The following MYPN variants were observed in gnomAD, a reference collection of about 807,000 sequenced individuals.
The protein encoded by MYPN is sarcomeric protein myopalladin, 145 kDa (MYOP).
A neutral mutation model predicts 129.4 loss-of-function variants in MYPN; 63 were observed. The observed-to-expected ratio is 0.49, with a 90% CI of 0.40 to 0.60. The LOEUF (loss-of-function observed/expected upper bound fraction) is 0.60. Among genes scored for constraint, MYPN ranks in the 20% least tolerant of loss-of-function variants. The probability of loss-of-function intolerance (pLI) is 0.00; values close to 1 mark genes in which losing one functional copy is unlikely to be tolerated. For missense variants in MYPN, 1,596 were observed against 1,635.4 expected (o/e 0.98, Z 0.42); for synonymous variants, 629 against 600.9 (o/e 1.05, Z -0.68).
intron 4 of MYPN, among the ~76,000 whole-genome samples, chr10:68,146,707 C>T (rs868482111): frequency 2.6e-4 from 39 of 152,294 alleles, no homozygotes; most frequent in Admixed American, 7.2e-4. Context: ...ATGTTGCCCT[C>T]GTCTTCTTAG....
At chr10:68,190,657 T>C (rs2043495996) in intron 13 of MYPN, among the ~76,000 whole-genome samples, 2 of 152,370 alleles carry the variant, frequency 1.3e-5, no homozygotes, top group Middle Eastern at 3.4e-3. Context: ...TTGTTAATTG[T>C]TTCCTTTGCT....
At chr10:68,172,562 G>A (rs2043159308) in intron 10 of MYPN, among the ~76,000 whole-genome samples, 1 of 152,114 alleles carries the variant, frequency 6.6e-6, no homozygotes, top group Admixed American at 6.6e-5. Flanking sequence ...ACTCTTTTGT[G>A]AAGAGAAATT....
At chr10:68,169,162 G>A (rs1246352915) in intron 10 of MYPN, among the ~76,000 whole-genome samples, 3 of 134,002 alleles carry the variant, frequency 2.2e-5, no homozygotes, top group African/African-American at 3.1e-5. Context: ...TGGTTAACAC[G>A]GTGAAACTCC....
At chr10:68,139,254 T>C (rs780458287) in intron 2 of MYPN, among the ~76,000 whole-genome samples, 1 of 152,300 alleles carries the variant, frequency 6.6e-6, no homozygotes, top group South Asian at 2.1e-4. Flanking sequence ...TCTTCTCCCA[T>C]TGTCAGCAAT....
At position 68,121,962 on chromosome 10, in the gene MYPN, C is replaced by T; in HGVS notation, c.524C>T (p.Pro175Leu). 3 of 1,614,194 alleles carry T rather than the reference C, an allele frequency of 1.9e-6. No homozygotes were observed. Among genetic ancestry groups the T allele is most frequent in the Middle Eastern group, 1.6e-4 (1 of 6,062 alleles). Reference sequence around the variant, plus strand: ...TCCCACAGCTCCAAAAGGATTAGACCTCGTGCCTGCAAAAACCACAAGAGT... The same window carrying T: ...TCCCACAGCTCCAAAAGGATTAGACTTCGTGCCTGCAAAAACCACAAGAGT... ...FKSHSSKRIR[P>L]RACKNHKSKL... The change falls in exon 2 of 20, where the codon CCT becomes CTT. Residue 175 changes from proline to leucine, a missense_variant. Coordinates refer to ENST00000358913, the MANE Select transcript of MYPN (RefSeq NM_032578.4).
At chr10:68,120,874 T>A (rs184169727) in intron 1 of MYPN, among the ~76,000 whole-genome samples, 1 of 152,340 alleles carries the variant, frequency 6.6e-6, no homozygotes, top group African/African-American at 2.4e-5. Flanking sequence ...AACTTGCCTT[T>A]AAAGAGTTTA....
intron 2 of MYPN, among the ~76,000 whole-genome samples, chr10:68,127,253 C>T (rs974118262): frequency 6.6e-6 from 1 of 151,912 alleles, no homozygotes; most frequent in African/African-American, 2.4e-5. Context: ...GATCCACCTC[C>T]CTTGCCCTCC....
chr10:68,124,571 G>A (rs1039424717), intron 2 of MYPN, among the ~76,000 whole-genome samples: 13 of 152,178 alleles, frequency 8.5e-5, no homozygotes, highest in African/African-American at 3.1e-4. Context: ...ATAAGGCAAT[G>A]CCAAATATTA....
In MYPN at chr10:68,206,878, G is replaced by C; in HGVS notation, c.3768G>C (p.Ser1256=). 6.2e-7 allele frequency: 1 copy of C among 1,614,192 alleles called. No individual in the cohort carries two copies. The highest frequency in any genetic ancestry group is 2.2e-5 in the East Asian group (1 of 44,892). The change falls in exon 19 of 20, where the codon TCG becomes TCC. Residue 1256 remains serine, a synonymous_variant. Transcript: ENST00000358913. ...CCAAGAATGAAGCCGGCATCGTGTC[G>C]TGCACTGCCAGGCTGGATATATACG... The part of the protein sequence containing the change: ...LSAKNEAGIV[S]CTARLDIYAQ...
At chr10:68,105,633 G>A (rs1315895161), upstream of MYPN, among the ~76,000 whole-genome samples, 1 of 152,154 alleles carries the variant, frequency 6.6e-6, no homozygotes, top group Admixed American at 6.5e-5. Context: ...AGGAAGCTTT[G>A]TTGTGTTTTA....
intron 19 of MYPN, among the ~76,000 whole-genome samples, chr10:68,208,065 A>G (rs776095930): frequency 1.3e-5 from 2 of 152,220 alleles, no homozygotes; most frequent in Non-Finnish European, 1.5e-5. Flanking sequence ...TAAGAAATAA[A>G]TTTTTATTTA....
chr10:68,145,821 G>A (rs952468648), intron 4 of MYPN, among the ~76,000 whole-genome samples: 2 of 152,154 alleles, frequency 1.3e-5, no homozygotes, highest in Non-Finnish European at 2.9e-5. Context: ...ATGATAATTT[G>A]CTTCTAGCTT....
At position 68,159,942 on chromosome 10, in the gene MYPN, A is replaced by T. The variant is rs568752042; in HGVS notation, c.1459+1315A>T. Among the ~76,000 whole-genome samples, 15 of 152,350 alleles carry T rather than the reference A, an allele frequency of 9.8e-5. No individual in the cohort carries two copies. In the South Asian group the frequency reaches 3.1e-3, roughly 32 times the overall value. On this transcript the variant is annotated intron_variant, in intron 7 of 19. Coordinates refer to ENST00000358913, the MANE Select transcript of MYPN (RefSeq NM_032578.4). ...GAATGGCTAAATTGAGCTAATGAACATACGTATTACCTCACACACATCATT... is the reference window on the plus strand; with the variant it reads ...GAATGGCTAAATTGAGCTAATGAACTTACGTATTACCTCACACACATCATT...
At chr10:68,113,925 A>G (rs954275270) in intron 1 of MYPN, among the ~76,000 whole-genome samples, 6 of 152,164 alleles carry the variant, frequency 3.9e-5, no homozygotes, top group Admixed American at 3.3e-4. Flanking sequence ...CTCTTTTAGT[A>G]ATATTCAAGA....
chr10:68,210,305 C>T lies in MYPN; in HGVS notation c.3813C>T (p.Ile1271=). The T allele has an allele frequency of 6.2e-7, 1 of 1,613,672 alleles. No individual in the cohort carries two copies. The highest frequency in any genetic ancestry group is 1.7e-5 in the Admixed American group (1 of 60,006). ...TTCCAGCTCAGTGGCACCATCAGATCCCACCGCCCATGTCTGTCCGGCCCA... is the reference window on the plus strand; with the variant it reads ...TTCCAGCTCAGTGGCACCATCAGATTCCACCGCCCATGTCTGTCCGGCCCA... ...LDIYAQWHHQ[I]PPPMSVRPSG... The change falls in exon 20 of 20, where the codon ATC becomes ATT. Residue 1271 remains isoleucine (I), a synonymous_variant. Coordinates refer to ENST00000358913, the MANE Select transcript of MYPN (RefSeq NM_032578.4).
chr10:68,161,168 CA>C (rs1310095453), intron 7 of MYPN, among the ~76,000 whole-genome samples: 1 of 152,098 alleles, frequency 6.6e-6, no homozygotes, highest in African/African-American at 2.4e-5. Context: ...AAGTGAAACC[CA>C]GATTTATTTC....
chr10:68,205,431 C>G (rs951787187), intron 18 of MYPN, among the ~76,000 whole-genome samples: 2 of 151,582 alleles, frequency 1.3e-5, no homozygotes, highest in African/African-American at 2.4e-5. Context: ...GTAATCCCAG[C>G]ACTTTGGGAG....
chr10:68,111,786 C>T (rs951672854), intron 1 of MYPN, among the ~76,000 whole-genome samples: 14 of 152,302 alleles, frequency 9.2e-5, no homozygotes, highest in African/African-American at 2.4e-4. Flanking sequence ...GACCTCCACT[C>T]GGAGTCACAG....
In MYPN at chr10:68,109,528, C is replaced by T. The variant is rs2042052545; in HGVS notation, c.-197C>T. On this transcript the variant is annotated 5_prime_UTR_variant, in exon 1 of 20. Transcript: ENST00000358913. ...CTGGCTCCGGTGGTGACAGGTTGTCCAGCTTCTTACAGCCATCTTCACTGA... is the reference window on the plus strand; with the variant it reads ...CTGGCTCCGGTGGTGACAGGTTGTCTAGCTTCTTACAGCCATCTTCACTGA... 2 of 453,916 alleles carry T rather than the reference C, an allele frequency of 4.4e-6. No individual in the cohort carries two copies. Among genetic ancestry groups the T allele is most frequent in the South Asian group, 3.1e-5 (2 of 64,472 alleles). 28.1% of individuals were successfully genotyped at this position (453,916 alleles called of 1,614,324 possible). A position where few individuals can be genotyped will look rare whatever the true frequency, so the allele number is the denominator to read the frequency against.
Sources: allele counts gnomAD v4.1 joint callset (sites outside exome capture counted in the v4.1 genomes callset), GRCh38; gene constraint gnomAD v4.1.1; transcripts MANE v1.5; gene names NCBI Gene and HGNC (gene_info 2026-07-23, HGNC 2026-07-21).